Variants in SLC27A2 observed in about 807,000 individuals in gnomAD.
The protein encoded by SLC27A2 is long-chain fatty acid transport protein 2.
In SLC27A2, 54 loss-of-function variants were observed where a neutral mutation model predicts 60.0. That is an observed-to-expected ratio of 0.90 (90% CI 0.72 to 1.13). SLC27A2 has a LOEUF of 1.13. Ranked by LOEUF, SLC27A2 falls within the 50% of genes most tolerant of loss-of-function variation. SLC27A2 has a pLI of 0.00. For missense variants in SLC27A2, 739 were observed against 777.6 expected (o/e 0.95, Z 0.59); for synonymous variants, 297 against 297.6 (o/e 1.00, Z 0.02).
chr15:50,182,837 A>G lies in SLC27A2; in HGVS notation c.410A>G (p.Asn137Ser), dbSNP rs146404462. 6.1e-5 allele frequency: 98 copies of G among 1,613,188 alleles called. No homozygotes were observed. The highest frequency in any genetic ancestry group is 7.9e-5 in the Non-Finnish European group (93 of 1,179,954). Reference protein sequence around the residue: ...LGCAMACLNYNIRAKSLLHCF... With the variant: ...LGCAMACLNYSIRAKSLLHCF... ...TGTGCCATGGCGTGCCTCAATTACA[A>G]CATCCGCGCGAAGTCCCTGCTGCAC... The change falls in exon 1 of 10, where the codon AAC becomes AGC. Residue 137 changes from asparagine to serine, a missense_variant. Coordinates refer to ENST00000267842, the MANE Select transcript of SLC27A2 (RefSeq NM_003645.4).
At chr15:50,209,338 G>A (rs1009088461) in intron 4 of SLC27A2, among the ~76,000 whole-genome samples, 1 of 152,092 alleles carries the variant, frequency 6.6e-6, no homozygotes, top group Non-Finnish European at 1.5e-5. Context: ...AATATGACTG[G>A]GGCCCAAGAC....
chr15:50,209,707 G>A (rs4774558), intron 4 of SLC27A2, among the ~76,000 whole-genome samples: 41,112 of 152,040 alleles, frequency 0.27, 6,269 homozygotes, highest in Non-Finnish European at 0.36. Context: ...AAGGATGAAG[G>A]GCCTCTTCTG....
intron 1 of SLC27A2, among the ~76,000 whole-genome samples, chr15:50,195,360 A>G (rs949530185): frequency 1.3e-5 from 2 of 150,946 alleles, no homozygotes; most frequent in Non-Finnish European, 2.9e-5. Context: ...GTGTGGTGGC[A>G]GGTGCCTGTA....
At position 50,202,526 on chromosome 15, in the gene SLC27A2, G is replaced by C. The variant is rs1218466158; in HGVS notation, c.728G>C (p.Trp243Ser). Residue 243 changes from tryptophan (W) to serine (S), a missense_variant, in exon 3 of 10, where the codon TGG becomes TCG. Coordinates refer to ENST00000267842, the MANE Select transcript of SLC27A2 (RefSeq NM_003645.4). ...KAAMITHQRI[W>S]YGTGLTFVSG... ...GCCATGATCACTCATCAGCGCATATGGTATGGAACTGGCCTCACTTTTGTA... is the reference window on the plus strand; with the variant it reads ...GCCATGATCACTCATCAGCGCATATCGTATGGAACTGGCCTCACTTTTGTA... 1.2e-6 allele frequency: 2 copies of C among 1,614,186 alleles called. No homozygotes were observed. The highest frequency in any genetic ancestry group is 4.5e-5 in the East Asian group (2 of 44,884).
At chr15:50,211,458 A>G (rs111327977) in intron 4 of SLC27A2, among the ~76,000 whole-genome samples, 157 of 152,314 alleles carry the variant, frequency 1.0e-3, no homozygotes, top group African/African-American at 3.5e-3. Context: ...GGAACACCCC[A>G]TGGGACAAAA....
At chr15:50,206,001 C>T (rs2045108891) in intron 4 of SLC27A2, among the ~76,000 whole-genome samples, 1 of 152,152 alleles carries the variant, frequency 6.6e-6, no homozygotes, top group Admixed American at 6.5e-5. Flanking sequence ...TGGATCTGCC[C>T]TGTTTGCAGA....
At position 50,182,883 on chromosome 15, in the gene SLC27A2, G is replaced by T. The variant is rs2044877274; in HGVS notation, c.456G>T (p.Ala152=). The change falls in exon 1 of 10, where the codon GCG becomes GCT. Residue 152 remains alanine, a synonymous_variant. Coordinates refer to ENST00000267842, the MANE Select transcript of SLC27A2 (RefSeq NM_003645.4). Reference sequence around the variant, plus strand: ...TGCACTGCTTCCAGTGCTGCGGGGCGAAGGTGCTGCTGGTGTCGCCAGGTG... The same window carrying T: ...TGCACTGCTTCCAGTGCTGCGGGGCTAAGGTGCTGCTGGTGTCGCCAGGTG... ...SLLHCFQCCG[A]KVLLVSPELQ... The T allele has an allele frequency of 1.2e-6, 2 of 1,610,184 alleles. No individual in the cohort carries two copies. Among genetic ancestry groups the T allele is most frequent in the East Asian group, 2.2e-5 (1 of 44,852 alleles).
intron 8 of SLC27A2, among the ~76,000 whole-genome samples, chr15:50,231,449 C>G (rs2045316429): frequency 6.6e-6 from 1 of 152,060 alleles, no homozygotes; most frequent in African/African-American, 2.4e-5. Flanking sequence ...CCACGCCTAG[C>G]AAATTGTACA....
rs1246775270 is a variant in SLC27A2 at position 50,197,564 on chromosome 15, T to C, written c.543T>C (p.Tyr181=). The C allele has an allele frequency of 6.2e-7, 1 of 1,614,120 alleles. No homozygotes were observed. The highest frequency in any genetic ancestry group is 8.5e-7 in the Non-Finnish European group (1 of 1,179,982). The change falls in exon 2 of 10, where the codon TAT becomes TAC. Residue 181 remains tyrosine, a synonymous_variant. Coordinates refer to ENST00000267842, the MANE Select transcript of SLC27A2 (RefSeq NM_003645.4). ...SLKKDDVSIY[Y]VSRTSNTDGI... ...AAAAAGATGATGTGTCCATCTATTA[T>C]GTGAGCAGAACTTCTAACACAGATG...
Position 50,182,310 on chromosome 15 carries a change from T to G in SLC27A2, c.-118T>G. ...CCCTTCATCTCACGCGAGCCCGGCG[T>G]CCCGCCGCGTGCGCCCCGGCGCAGC... On this transcript the variant is annotated 5_prime_UTR_variant, in exon 1 of 10. Transcript: ENST00000267842. 4 of 1,323,126 alleles carry G rather than the reference T, an allele frequency of 3.0e-6. No individual in the cohort carries two copies. Among genetic ancestry groups the G allele is most frequent in the Non-Finnish European group, 3.9e-6 (4 of 1,038,150 alleles). The allele number at this position is 1,323,126 out of a possible 1,614,324, so 82.0% of individuals were successfully genotyped here. A position where few individuals can be genotyped will look rare whatever the true frequency, so the allele number is the denominator to read the frequency against.
intron 8 of SLC27A2, among the ~76,000 whole-genome samples, chr15:50,231,198 G>A (rs1026720656): frequency 4.8e-5 from 7 of 147,022 alleles, no homozygotes; most frequent in Admixed American, 4.1e-4. Flanking sequence ...AGGCTGGAGT[G>A]CAATGGCGCG....
At chr15:50,193,468 G>C (rs2044990788) in intron 1 of SLC27A2, among the ~76,000 whole-genome samples, 1 of 152,152 alleles carries the variant, frequency 6.6e-6, no homozygotes, top group African/African-American at 2.4e-5. Flanking sequence ...AATGAGAATG[G>C]ATCCAGGTAA....
intron 8 of SLC27A2, among the ~76,000 whole-genome samples, chr15:50,231,381 C>T (rs935654507): frequency 5.9e-5 from 9 of 151,952 alleles, no homozygotes; most frequent in Non-Finnish European, 1.0e-4. Context: ...TCCTAACCTC[C>T]GGTGATCCAC....
At chr15:50,205,179 A>G (rs1455412362) in intron 3 of SLC27A2, 60 bp from the exon 4 acceptor site, 54 of 1,552,360 alleles carry the variant, frequency 3.5e-5, no homozygotes, top group Non-Finnish European at 4.7e-5. Flanking sequence ...CAAATTAAAC[A>G]TAACTGGGAG....
intron 1 of SLC27A2, among the ~76,000 whole-genome samples, chr15:50,196,118 A>G (rs1190228864): frequency 2.0e-5 from 2 of 98,880 alleles, no homozygotes; most frequent in African/African-American, 7.3e-5. Flanking sequence ...ATATATATAT[A>G]TATATATGTA....
At position 50,202,521 on chromosome 15, in the gene SLC27A2, C is replaced by A. The variant is rs1345426412; in HGVS notation, c.723C>A (p.Arg241=). 1 of 1,614,192 alleles carries A rather than the reference C, an allele frequency of 6.2e-7. No homozygotes were observed. The highest frequency in any genetic ancestry group is 1.7e-5 in the Admixed American group (1 of 60,026). Residue 241 remains arginine (R), a synonymous_variant, in exon 3 of 10, where the codon CGC becomes CGA. Transcript: ENST00000267842. The stretch of plus-strand genomic sequence containing the variant: ...AAGCAGCCATGATCACTCATCAGCG[C>A]ATATGGTATGGAACTGGCCTCACTT... ...LPKAAMITHQ[R]IWYGTGLTFV...
intron 2 of SLC27A2, among the ~76,000 whole-genome samples, chr15:50,200,319 C>T (rs2045054013): frequency 6.6e-6 from 1 of 151,872 alleles, no homozygotes; most frequent in African/African-American, 2.4e-5. Context: ...TCCCAGATAC[C>T]TGGGGGGCTG....
chr15:50,196,387 G>C (rs1265779231), intron 1 of SLC27A2, among the ~76,000 whole-genome samples: 1 of 151,778 alleles, frequency 6.6e-6, no homozygotes, highest in Non-Finnish European at 1.5e-5. Flanking sequence ...TCCTAAAACA[G>C]TGTTATAGGA....
intron 4 of SLC27A2, among the ~76,000 whole-genome samples, chr15:50,208,189 C>A (rs2045127921): frequency 6.6e-6 from 1 of 152,182 alleles, no homozygotes; most frequent in African/African-American, 2.4e-5. Context: ...TCAGGAGAAT[C>A]TGGGGCCAGT....
Sources: gnomAD v4.1 joint callset for allele counts (sites outside exome capture counted in the v4.1 genomes callset) on GRCh38, gnomAD v4.1.1 for gene constraint, MANE v1.5 for transcripts, NCBI Gene and HGNC (gene_info 2026-07-23, HGNC 2026-07-21) for gene names.